FSIP2: variants seen among roughly 807,000 people sequenced by gnomAD.
FSIP2 encodes fibrous sheath-interacting protein 2.
A neutral mutation model predicts 510.5 loss-of-function variants in FSIP2; 367 were observed. The observed-to-expected ratio is 0.72, with a 90% CI of 0.66 to 0.78. The LOEUF is 0.78. FSIP2 is among the 30% of genes least tolerant of loss of function. The pLI is 0.00. For synonymous variants in FSIP2, 2,601 were observed against 2,732.2 expected (o/e 0.95, Z 1.50); for missense variants, 7,594 against 7,901.7 (o/e 0.96, Z 1.48).
rs1303544091 is a variant in FSIP2, at chr2:185,804,793, AAAG to A, written c.15490_15492del (p.Glu5164del). On this transcript the variant is annotated inframe_deletion, in exon 17 of 23. Transcript: ENST00000424728. The stretch of plus-strand genomic sequence containing the variant: ...TTCAAAATTGACTGATGAAATTATA[AAAG>A]AAATTTCTGAACATGAGATTCGACT... 4 of 1,532,774 alleles carry A rather than the reference AAAG, an allele frequency of 2.6e-6. No individual in the cohort carries two copies. The highest frequency in any genetic ancestry group is 2.6e-6 in the Non-Finnish European group (3 of 1,144,816). The allele number at this position is 1,532,774 out of a possible 1,614,324, so 94.9% of individuals were successfully genotyped here.
chr2:185,793,667 A>G lies in FSIP2; in HGVS notation c.6531A>G (p.Ala2177=). The change falls in exon 16 of 23, where the codon GCA becomes GCG. Residue 2177 remains alanine, a synonymous_variant. Transcript: ENST00000424728. ...LSSAATLVIN[A]KNPTSARLPL... ...CTGCTGCCACGCTTGTCATAAATGC[A>G]AAGAATCCTACTTCTGCAAGATTGC... 1 of 1,534,804 alleles carries G rather than the reference A, an allele frequency of 6.5e-7. No homozygotes were observed. The highest frequency in any genetic ancestry group is 8.7e-7 in the Non-Finnish European group (1 of 1,145,836).
At chr2:185,765,566 G>A (rs1322127375) in intron 13 of FSIP2, 2 of 152,114 alleles carry the variant, frequency 1.3e-5, no homozygotes, top group African/African-American at 4.8e-5. Flanking sequence ...ATAGTTTGAA[G>A]TCAGGTAGTG....
At position 185,796,375 on chromosome 2, in the gene FSIP2, C is replaced by T; in HGVS notation, c.9239C>T (p.Thr3080Ile). The T allele has an allele frequency of 1.3e-6, 2 of 1,533,544 alleles. No individual in the cohort carries two copies. The highest frequency in any genetic ancestry group is 1.7e-6 in the Non-Finnish European group (2 of 1,145,052). 95.0% of individuals were successfully genotyped at this position (1,533,544 alleles called of 1,614,324 possible). Residue 3080 changes from threonine to isoleucine, a missense_variant, in exon 16 of 23, where the codon ACA becomes ATA. Physicochemically the swap from Thr to Ile is moderately conservative, Grantham distance 89. Coordinates refer to ENST00000424728, the MANE Select transcript of FSIP2 (RefSeq NM_173651.4). Reference protein sequence around the residue: ...RVHSFHSQLLTYAVNIISDML... With the variant: ...RVHSFHSQLLIYAVNIISDML... ...CATTCATTCCATTCACAATTACTTA[C>T]ATATGCTGTTAATATCATCAGTGAC...
intron 13 of FSIP2, among the ~76,000 whole-genome samples, chr2:185,781,829 C>T (rs1692854973): frequency 7.0e-6 from 1 of 143,666 alleles, no homozygotes; most frequent in Non-Finnish European, 1.5e-5. Flanking sequence ...ATTTAATTTT[C>T]AGGTATGGGC....
chr2:185,814,070 C>CAACATT, intron 18 of FSIP2, 28 bp downstream of exon 18: 1 of 1,576,648 alleles, frequency 6.3e-7, no homozygotes. Context: ...CTGTTAGTGA[C>CAACATT]TAGAAAGGGG....
intron 13 of FSIP2, among the ~76,000 whole-genome samples, chr2:185,776,190 G>C (rs1335415488): frequency 1.3e-5 from 2 of 152,118 alleles, no homozygotes; most frequent in African/African-American, 4.8e-5. Flanking sequence ...ATAATGACTT[G>C]ACCTGGGAGG....
intron 13 of FSIP2, among the ~76,000 whole-genome samples, chr2:185,773,746 A>G (rs1322063531): frequency 6.6e-6 from 1 of 152,084 alleles, no homozygotes; most frequent in Non-Finnish European, 1.5e-5. Flanking sequence ...CATCTGTGCT[A>G]TTTCTAAATC....
At chr2:185,825,666 T>G (rs1694001858) in intron 20 of FSIP2, among the ~76,000 whole-genome samples, 1 of 151,822 alleles carries the variant, frequency 6.6e-6, no homozygotes, top group African/African-American at 2.4e-5. Context: ...TTGGTGATCT[T>G]GCTTAGTTCT....
intron 4 of FSIP2, chr2:185,745,178 T>C: frequency 3.9e-6 from 1 of 254,292 alleles, no homozygotes; most frequent in Non-Finnish European, 7.3e-6. Context: ...CAGTGTTTCT[T>C]CTCTACTTCC....
At chr2:185,738,795 G>T (rs1691849914), upstream of FSIP2, 1 of 1,535,958 alleles carries the variant, frequency 6.5e-7, no homozygotes, top group South Asian at 1.2e-5. Context: ...AGGTCGTTGG[G>T]CTCTGGCCAT....
At chr2:185,752,356 T>G (rs1574155782) in intron 7 of FSIP2, among the ~76,000 whole-genome samples, 1 of 151,192 alleles carries the variant, frequency 6.6e-6, no homozygotes, top group Admixed American at 6.6e-5. Context: ...ACTTTAAAAT[T>G]TTTCTTTTTA....
chr2:185,771,066 C>T (rs1287122075), intron 13 of FSIP2, among the ~76,000 whole-genome samples: 1 of 152,212 alleles, frequency 6.6e-6, no homozygotes, highest in Non-Finnish European at 1.5e-5. Context: ...AAGGGGTGGT[C>T]TCCCAAGGCA....
Position 185,808,630 on chromosome 2 carries a change from G to GAT in FSIP2, c.19328_19329dup (p.Lys6444Ter). 1 of 1,601,748 alleles carries GAT rather than the reference G, an allele frequency of 6.2e-7. No individual in the cohort carries two copies. The highest frequency in any genetic ancestry group is 8.5e-7 in the Non-Finnish European group (1 of 1,174,364). On this transcript the variant is annotated frameshift_variant, in exon 17 of 23. Transcript: ENST00000424728. LOFTEE classifies it high-confidence loss of function. ...AGGAACCAACAAAGAATTTTATTAT[G>GAT]ATATAAAAGATACAAATACAGCCTT...
Position 185,808,591 on chromosome 2 carries a change from A to G in FSIP2, c.19285A>G (p.Ile6429Val), listed in dbSNP as rs1693649030. 6.2e-7 allele frequency: 1 copy of G among 1,609,622 alleles called. No homozygotes were observed. The highest frequency in any genetic ancestry group is 1.3e-5 in the African/African-American group (1 of 74,696). The change falls in exon 17 of 23, where the codon ATA (isoleucine) becomes GTA (valine). Residue 6429 changes from isoleucine to valine, a missense_variant. Coordinates refer to ENST00000424728, the MANE Select transcript of FSIP2 (RefSeq NM_173651.4). ...GGTTGTCGATTCCGTTTATAGTAAC[A>G]TACTGCAACAATCAGGAACCAACAA... is the stretch of plus-strand genomic sequence containing the variant. ...YQVVDSVYSN[I>V]LQQSGTNKEF...
Position 185,805,826 on chromosome 2 carries a change from C to T in FSIP2, c.16520C>T (p.Thr5507Ile), listed in dbSNP as rs201515853. The T allele has an allele frequency of 2.7e-5, 44 of 1,605,550 alleles. No individual in the cohort carries two copies. Among genetic ancestry groups the T allele is most frequent in the African/African-American group, 1.3e-5 (1 of 74,320 alleles). ...AIMKSGMINL[T>I]SGLATGVTNK... ...ATGAAAAGCGGCATGATTAACCTAA[C>T]ATCAGGGTTGGCTACAGGTGTGACA... Residue 5507 changes from threonine (T) to isoleucine (I), a missense_variant, in exon 17 of 23, where the codon ACA (threonine) becomes ATA (isoleucine). By Grantham distance (89) the Thr-to-Ile change is moderately conservative (BLOSUM62 -1). Transcript: ENST00000424728.
At chr2:185,752,968 G>T (rs1223052248) in intron 7 of FSIP2, among the ~76,000 whole-genome samples, 1 of 151,222 alleles carries the variant, frequency 6.6e-6, no homozygotes, top group Non-Finnish European at 1.5e-5. Flanking sequence ...GATTGTACAG[G>T]TCTTGCCTTT....
At chr2:185,783,595 C>T (rs1692901645) in intron 14 of FSIP2, 1 of 152,004 alleles carries the variant, frequency 6.6e-6, no homozygotes, top group African/African-American at 2.4e-5. Flanking sequence ...GTTTGTTTGA[C>T]TTATTGAGTA....
chr2:185,812,103 T>C (rs979713030), intron 17 of FSIP2, among the ~76,000 whole-genome samples: 25 of 152,058 alleles, frequency 1.6e-4, no homozygotes, highest in Admixed American at 9.2e-4. Flanking sequence ...CTCAGAATGG[T>C]AGATCCACTT....
At chr2:185,745,646 G>A (rs1027499194) in intron 5 of FSIP2, 78 bp downstream of exon 5, 1 of 1,246,814 alleles carries the variant, frequency 8.0e-7, no homozygotes, top group African/African-American at 1.5e-5. Context: ...AAGAATTGAA[G>A]ACAATTTAAG....
Sources: allele counts gnomAD v4.1 joint callset (sites outside exome capture counted in the v4.1 genomes callset), GRCh38; gene constraint gnomAD v4.1.1; transcripts MANE v1.5; gene names NCBI Gene and HGNC (gene_info 2026-07-23, HGNC 2026-07-21).